The following MYH10 variants were observed in gnomAD, a reference collection of about 807,000 sequenced individuals.
MYH10 encodes myosin heavy chain 10.
In MYH10, 55 loss-of-function variants were observed where a neutral mutation model predicts 257.8. The observed-to-expected ratio is 0.21, with a 90% CI of 0.17 to 0.27. The LOEUF (loss-of-function observed/expected upper bound fraction) is 0.27. Ranked by LOEUF, MYH10 falls within the 10% of genes least tolerant of loss-of-function variation. MYH10 has a pLI of 1.00. For missense variants in MYH10, 1,631 were observed against 2,500.6 expected (o/e 0.65, Z 7.42); for synonymous variants, 854 against 921.7 (o/e 0.93, Z 1.33).
At chr17:8,619,937 A>C (rs2085404612) in intron 2 of MYH10, among the ~76,000 whole-genome samples, 1 of 151,942 alleles carries the variant, frequency 6.6e-6, no homozygotes, top group Admixed American at 6.6e-5. Flanking sequence ...AAAAAACAAA[A>C]TCAAAAACAG....
At chr17:8,501,826 A>G (rs185094397) in intron 28 of MYH10, among the ~76,000 whole-genome samples, 2 of 152,320 alleles carry the variant, frequency 1.3e-5, no homozygotes, top group East Asian at 3.9e-4. Context: ...ATTAGCATTA[A>G]ATATCTTTCC....
At chr17:8,561,654 A>C (rs985409843) in intron 7 of MYH10, 31 of 664,570 alleles carry the variant, frequency 4.7e-5, no homozygotes, top group Non-Finnish European at 7.7e-5. Flanking sequence ...AAAAAAAAAA[A>C]AAAAAGATTT....
intron 17 of MYH10, among the ~76,000 whole-genome samples, chr17:8,529,169 C>T (rs1470762514): frequency 2.6e-5 from 4 of 152,178 alleles, no homozygotes; most frequent in African/African-American, 9.7e-5. Context: ...TAGGTGGTCA[C>T]AGTGGGAATG....
chr17:8,529,887 C>A (rs2081962345), intron 17 of MYH10, among the ~76,000 whole-genome samples: 1 of 152,108 alleles, frequency 6.6e-6, no homozygotes, highest in African/African-American at 2.4e-5. Flanking sequence ...CTTTTGGAGA[C>A]TCTGTAGCTG....
intron 6 of MYH10, among the ~76,000 whole-genome samples, chr17:8,574,757 G>C (rs1455427573): frequency 2.6e-5 from 4 of 152,160 alleles, no homozygotes; most frequent in African/African-American, 9.7e-5. Flanking sequence ...TCAACCAAAA[G>C]AAACTGTAAC....
rs1329094738 is a variant in MYH10 at position 8,530,634 on chromosome 17, T to A, written c.1946A>T (p.His649Leu). 5.9e-6 allele frequency: 9 copies of A among 1,527,414 alleles called. No homozygotes were observed. The highest frequency in any genetic ancestry group is 8.0e-6 in the Non-Finnish European group (9 of 1,132,036). The allele number at this position is 1,527,414 out of a possible 1,614,324, so 94.6% of individuals were successfully genotyped here. A position where few individuals can be genotyped will look rare whatever the true frequency, so the allele number is the denominator to read the frequency against. Residue 649 changes from histidine to leucine, a missense_variant, in exon 17 of 43, where the codon CAT becomes CTT. By Grantham distance (99) the His-to-Leu change is moderately conservative. Coordinates refer to ENST00000360416, the MANE Select transcript of MYH10 (RefSeq NM_001256012.3). The stretch of plus-strand genomic sequence containing the variant: ...CTTTATACATTCACCTGGTGGCTCA[T>A]GAAGACCAGAAACACTGTCATAGAA... ...ASFYDSVSGL[H>L]EPPVDRIVGL...
At position 8,477,038 on chromosome 17, in the gene MYH10, G is replaced by C. The variant is rs1441574134; in HGVS notation, c.5717C>G (p.Ala1906Gly). The change falls in exon 42 of 43, where the codon GCC becomes GGC. Residue 1906 changes from alanine to glycine, a missense_variant. Physicochemically the swap from Ala to Gly is moderately conservative, Grantham distance 60. Coordinates refer to ENST00000360416, the MANE Select transcript of MYH10 (RefSeq NM_001256012.3). The surrounding 1 kb of genome is among the most constrained non-coding windows in gnomAD (Gnocchi z 4.2). ...ADQYKEQMEK[A>G]NARMKQLKRQ... is the part of the protein sequence containing the mutation. ...TTTAAGCTGCTTCATCCGAGCGTTG[G>C]CCTTCTCCATCTTGGGGAGGGTACA... 1 of 1,613,988 alleles carries C rather than the reference G, an allele frequency of 6.2e-7. No homozygotes were observed. Among genetic ancestry groups the C allele is most frequent in the Non-Finnish European group, 8.5e-7 (1 of 1,180,024 alleles).
chr17:8,555,091 A>G (rs984526874), intron 7 of MYH10, among the ~76,000 whole-genome samples: 2 of 152,126 alleles, frequency 1.3e-5, no homozygotes, highest in Non-Finnish European at 2.9e-5. Flanking sequence ...TGACAGAGTG[A>G]GACTCTGTCT....
intron 34 of MYH10, among the ~76,000 whole-genome samples, chr17:8,491,240 A>G (rs1915730387): frequency 6.6e-6 from 1 of 152,212 alleles, no homozygotes; most frequent in South Asian, 2.1e-4. Context: ...GACAGGAGGA[A>G]GGTCCATTTC....
At chr17:8,505,506 T>A (rs913332318) in intron 27 of MYH10, among the ~76,000 whole-genome samples, 4 of 152,248 alleles carry the variant, frequency 2.6e-5, no homozygotes, top group Non-Finnish European at 5.9e-5. Flanking sequence ...TAACACATTA[T>A]AAACTCCAAG....
At chr17:8,519,786 T>C (rs987518274) in intron 19 of MYH10, among the ~76,000 whole-genome samples, 9 of 152,040 alleles carry the variant, frequency 5.9e-5, no homozygotes, top group Non-Finnish European at 1.2e-4. Context: ...CAGCAAATGG[T>C]GTCATACTTT....
chr17:8,475,680 C>T lies in MYH10; in HGVS notation c.*124G>A. Reference sequence around the variant, plus strand: ...GATACAGTATGCATAGGCTGGAGAGCCTTAAGACACAGTTGATCTTTCAGG... The same window carrying T: ...GATACAGTATGCATAGGCTGGAGAGTCTTAAGACACAGTTGATCTTTCAGG... On this transcript the variant is annotated 3_prime_UTR_variant, in exon 43 of 43. Transcript: ENST00000360416. The T allele has an allele frequency of 8.5e-7, 1 of 1,183,168 alleles. No homozygotes were observed. Among genetic ancestry groups the T allele is most frequent in the Non-Finnish European group, 1.2e-6 (1 of 830,002 alleles). The allele number at this position is 1,183,168 out of a possible 1,614,324, so 73.3% of individuals were successfully genotyped here. A position where few individuals can be genotyped will look rare whatever the true frequency, so the allele number is the denominator to read the frequency against.
At chr17:8,538,308 C>T (rs767723327) in intron 14 of MYH10, among the ~76,000 whole-genome samples, 2 of 152,198 alleles carry the variant, frequency 1.3e-5, no homozygotes, top group East Asian at 1.9e-4. Flanking sequence ...CGGCTTCAAG[C>T]GATCCTCCTG....
chr17:8,512,345 T>G, intron 24 of MYH10, 106 bp downstream of exon 24: 1 of 872,156 alleles, frequency 1.1e-6, no homozygotes, highest in Non-Finnish European at 1.8e-6. Context: ...CCAGAACCCT[T>G]TTGCTTCTCT....
chr17:8,621,539 A>G (rs116281457), intron 2 of MYH10, among the ~76,000 whole-genome samples: 56 of 152,308 alleles, frequency 3.7e-4, no homozygotes, highest in African/African-American at 1.3e-3. Context: ...ACACGTGGTT[A>G]TTCAATCTCA....
At chr17:8,525,359 T>A (rs1043055551) in intron 17 of MYH10, among the ~76,000 whole-genome samples, 1 of 152,236 alleles carries the variant, frequency 6.6e-6, no homozygotes, top group Non-Finnish European at 1.5e-5. Context: ...AGGGAACATT[T>A]TTCCAGCATC....
intron 13 of MYH10, 32 bp from the exon 14 acceptor site, chr17:8,542,312 T>C (rs2151945533): frequency 1.3e-6 from 2 of 1,596,074 alleles, no homozygotes; most frequent in Middle Eastern, 2.0e-4. Flanking sequence ...TTTCCAAACA[T>C]GGGGAGGTGG....
At chr17:8,579,724 G>GA (rs1280457097) in intron 4 of MYH10, among the ~76,000 whole-genome samples, 1 of 152,072 alleles carries the variant, frequency 6.6e-6, no homozygotes, top group Non-Finnish European at 1.5e-5. Context: ...TGCTAAAAGA[G>GA]GCCTTTCTGG....
chr17:8,486,278 A>ATAAC (rs1305023650), intron 36 of MYH10, among the ~76,000 whole-genome samples: 1 of 152,238 alleles, frequency 6.6e-6, no homozygotes, highest in East Asian at 1.9e-4. Context: ...AAGCCTATGA[A>ATAAC]TAACTAAAAA....
Sources: gnomAD v4.1 joint callset for allele counts (sites outside exome capture counted in the v4.1 genomes callset) on GRCh38, gnomAD v4.1.1 for gene constraint, Gnocchi (gnomAD v3.1) non-coding constraint, MANE v1.5 for transcripts, NCBI Gene and HGNC (gene_info 2026-07-23, HGNC 2026-07-21) for gene names.